SV2C: variants seen among roughly 807,000 people sequenced by gnomAD.
SV2C encodes synaptic vesicle glycoprotein 2C.
Under a neutral mutation model 79.7 loss-of-function variants are expected in SV2C, and 49 were observed. The observed-to-expected ratio is 0.61, with a 90% CI of 0.49 to 0.78. SV2C has a LOEUF of 0.78. SV2C is among the 30% of genes least tolerant of loss of function. SV2C has a pLI of 0.00. For synonymous variants in SV2C, 334 were observed against 333.2 expected (o/e 1.00, Z -0.03); for missense variants, 833 against 912.9 (o/e 0.91, Z 1.13).
chr5:76,065,081 C>A, the SV2C span, among the ~76,000 whole-genome samples: 2 of 152,086 alleles, frequency 1.3e-5, no homozygotes, highest in South Asian at 2.1e-4. Context: ...GGAAAAAATT[C>A]TCTGAATGTT....
intron 1 of SV2C, among the ~76,000 whole-genome samples, chr5:76,130,190 G>C (rs949832835): frequency 8.1e-6 from 1 of 123,464 alleles, no homozygotes; most frequent in South Asian, 2.8e-4. Flanking sequence ...AGAGCTGGGG[G>C]AGAACAAACA....
chr5:76,200,273 A>G (rs6859341), intron 3 of SV2C, among the ~76,000 whole-genome samples: 47,857 of 152,134 alleles, frequency 0.31, 8,054 homozygotes, highest in East Asian at 0.6. Flanking sequence ...CCACATTGGT[A>G]CAGAATCCCC....
chr5:75,915,633 G>A, the SV2C span, among the ~76,000 whole-genome samples: 2 of 152,188 alleles, frequency 1.3e-5, no homozygotes, highest in Non-Finnish European at 2.9e-5. Flanking sequence ...TGGCTATTTC[G>A]AGAAGGAACA....
intron 1 of SV2C, among the ~76,000 whole-genome samples, chr5:76,128,806 AC>A (rs1297772121): frequency 1.2e-4 from 19 of 152,226 alleles, no homozygotes; most frequent in Admixed American, 1.2e-3. Context: ...GATTCGAGAA[AC>A]AAAAGAAAAT....
chr5:75,920,708 G>A, the SV2C span: 17 of 754,832 alleles, frequency 2.3e-5, no homozygotes, highest in African/African-American at 2.7e-4. Context: ...CACTGCCGGT[G>A]TGGAACCACT....
the SV2C span, among the ~76,000 whole-genome samples, chr5:75,975,081 G>A: frequency 6.6e-6 from 1 of 152,088 alleles, no homozygotes; most frequent in Non-Finnish European, 1.5e-5. Flanking sequence ...GTTGTCCTAA[G>A]GGTCATTCCA....
chr5:76,227,173 G>A (rs201359875), intron 4 of SV2C, among the ~76,000 whole-genome samples: 2 of 136,084 alleles, frequency 1.5e-5, no homozygotes, highest in Non-Finnish European at 3.2e-5. Context: ...ATGCAGATAA[G>A]ATAAAAGCCA....
chr5:76,044,695 C>T, the SV2C span, among the ~76,000 whole-genome samples: 1 of 152,128 alleles, frequency 6.6e-6, no homozygotes, highest in African/African-American at 2.4e-5. Flanking sequence ...TTTTTTTGGC[C>T]ACATAAATGC....
rs531374766 is a variant in SV2C, at chr5:76,256,994, T to C, written c.914-28168T>C. On this transcript the variant is annotated intron_variant, in intron 4 of 12. Transcript: ENST00000502798. ...ATCTGAAGTCTTTTTCTTCCTTTCATTTTGCTTAATCTACCTCTGTATCAA... is the reference window on the plus strand; with the variant it reads ...ATCTGAAGTCTTTTTCTTCCTTTCACTTTGCTTAATCTACCTCTGTATCAA... Among the ~76,000 whole-genome samples the C allele has an allele frequency of 2.8e-4, 42 of 152,354 alleles. No individual in the cohort carries two copies. In the South Asian group the frequency reaches 8.5e-3, roughly 31 times the overall value.
chr5:75,872,499 A>G, the SV2C span, among the ~76,000 whole-genome samples: 825 of 152,288 alleles, frequency 5.4e-3, 5 homozygotes, highest in Middle Eastern at 0.017. Flanking sequence ...TTAAAACAGT[A>G]AGATATTGGC....
intron 1 of SV2C, among the ~76,000 whole-genome samples, chr5:76,097,055 C>A (rs1747589499): frequency 6.6e-6 from 1 of 152,128 alleles, no homozygotes; most frequent in Admixed American, 6.6e-5. Context: ...TACCTCTTAA[C>A]CCTAGACTCA....
At chr5:76,289,596 T>C (rs1447304777) in intron 6 of SV2C, among the ~76,000 whole-genome samples, 1 of 152,212 alleles carries the variant, frequency 6.6e-6, no homozygotes, top group African/African-American at 2.4e-5. Context: ...TATGTTCTAT[T>C]ATTCCACCTC....
chr5:76,100,916 C>T (rs1427499204), intron 1 of SV2C, among the ~76,000 whole-genome samples: 1 of 152,230 alleles, frequency 6.6e-6, no homozygotes, highest in Non-Finnish European at 1.5e-5. Flanking sequence ...CCTGCATTGT[C>T]ACAACCAAAA....
intron 12 of SV2C, among the ~76,000 whole-genome samples, chr5:76,342,669 C>T (rs1407542335): frequency 6.6e-6 from 1 of 152,230 alleles, no homozygotes; most frequent in Non-Finnish European, 1.5e-5. Context: ...AAGTTCTCCA[C>T]TTGTAAGCTG....
intron 12 of SV2C, among the ~76,000 whole-genome samples, chr5:76,351,674 C>T (rs1183917679): frequency 1.3e-5 from 2 of 152,156 alleles, no homozygotes; most frequent in South Asian, 2.1e-4. Flanking sequence ...TGCCTCCACT[C>T]GAGCTGCTGT....
At chr5:76,232,295 T>C (rs1461117438) in intron 4 of SV2C, among the ~76,000 whole-genome samples, 2 of 150,486 alleles carry the variant, frequency 1.3e-5, no homozygotes, top group Non-Finnish European at 2.9e-5. Context: ...GTTTGTTTTT[T>C]TCTTGTAAAT....
intron 3 of SV2C, among the ~76,000 whole-genome samples, chr5:76,205,467 G>T (rs1380224608): frequency 6.6e-6 from 1 of 151,892 alleles, no homozygotes; most frequent in Non-Finnish European, 1.5e-5. Flanking sequence ...ATTAAGATTT[G>T]ACATTTTTGA....
chr5:76,334,586 C>G (rs1749275627), downstream of SV2C, among the ~76,000 whole-genome samples: 1 of 152,168 alleles, frequency 6.6e-6, no homozygotes, highest in African/African-American at 2.4e-5. Flanking sequence ...TGGCTTTTGT[C>G]CCCCTATGGG....
At chr5:76,141,787 G>T (rs1386164165) in intron 2 of SV2C, among the ~76,000 whole-genome samples, 1 of 122,980 alleles carries the variant, frequency 8.1e-6, no homozygotes, top group Non-Finnish European at 1.6e-5. Context: ...TCACGCCACT[G>T]CACTCCAGCC....
Sources: allele counts gnomAD v4.1 joint callset (sites outside exome capture counted in the v4.1 genomes callset), GRCh38; gene constraint gnomAD v4.1.1; transcripts MANE v1.5; gene names NCBI Gene and HGNC (gene_info 2026-07-23, HGNC 2026-07-21).